The following C10orf67 variants were observed in gnomAD, a reference collection of about 807,000 sequenced individuals.
C10orf67 encodes the protein chromosome 10 open reading frame 67, also known as uncharacterized protein C10orf67, mitochondrial.
A neutral mutation model predicts 35.6 loss-of-function variants in C10orf67; 60 were observed. The observed-to-expected ratio is 1.68, with a 90% CI of 1.37 to 2.09. The LOEUF (loss-of-function observed/expected upper bound fraction) is 2.09. Among genes scored for constraint, C10orf67 ranks in the 30% most tolerant of loss-of-function variants. The pLI, the probability that C10orf67 is intolerant of heterozygous loss-of-function variation, is 0.00. For synonymous variants in C10orf67, 167 were observed against 115.8 expected (o/e 1.44, Z -2.84); for missense variants, 474 against 330.2 (o/e 1.44, Z -3.38).
intron 4 of C10orf67, 56 bp downstream of exon 4, chr10:23,320,685 C>G: frequency 7.3e-7 from 1 of 1,366,928 alleles, no homozygotes. Context: ...ACTCCTTGCA[C>G]ACAGCAGCTG....
At chr10:23,325,583 C>CA (rs1845160929) in intron 2 of C10orf67, among the ~76,000 whole-genome samples, 1 of 112,860 alleles carries the variant, frequency 8.9e-6, no homozygotes. Context: ...ACAACAACAA[C>CA]AAAAAAACTT....
intron 10 of C10orf67, among the ~76,000 whole-genome samples, chr10:23,262,721 A>T (rs542402899): frequency 4.3e-4 from 66 of 152,298 alleles, no homozygotes; most frequent in African/African-American, 1.6e-3. Context: ...TTTCACTAGA[A>T]TATTTTCTGT....
At chr10:23,331,880 C>T (rs11013397) in intron 2 of C10orf67, among the ~76,000 whole-genome samples, 19,704 of 151,710 alleles carry the variant, frequency 0.13, 2,294 homozygotes, top group East Asian at 0.63. Context: ...CACTTAGTTA[C>T]GAAAGAATAA....
At chr10:23,326,075 T>C (rs373004503) in intron 2 of C10orf67, among the ~76,000 whole-genome samples, 2 of 152,236 alleles carry the variant, frequency 1.3e-5, no homozygotes, top group African/African-American at 4.8e-5. Flanking sequence ...AAGTCTAACA[T>C]ACAAGTAATT....
At chr10:23,255,327 A>T (rs1040609906) in intron 10 of C10orf67, among the ~76,000 whole-genome samples, 1 of 152,248 alleles carries the variant, frequency 6.6e-6, no homozygotes, top group African/African-American at 2.4e-5. Context: ...TCTTTCAAAA[A>T]CAGGACAAGA....
chr10:23,288,420 G>C (rs1029015544), intron 7 of C10orf67, among the ~76,000 whole-genome samples: 2 of 152,122 alleles, frequency 1.3e-5, no homozygotes, highest in Non-Finnish European at 2.9e-5. Flanking sequence ...GTTGAACATT[G>C]AGAATACATG....
intron 2 of C10orf67, among the ~76,000 whole-genome samples, chr10:23,329,797 CAAAAA>C (rs398013008): frequency 2.5e-4 from 12 of 48,090 alleles, no homozygotes; most frequent in African/African-American, 1.0e-3. Flanking sequence ...GAACTTGTCT[CAAAAA>C]AAAAAAAAAA....
intron 13 of C10orf67, among the ~76,000 whole-genome samples, chr10:23,237,219 C>G (rs1842072555): frequency 6.6e-6 from 1 of 152,084 alleles, no homozygotes; most frequent in Non-Finnish European, 1.5e-5. Context: ...TGATCTCGTT[C>G]TTTTTTTATG....
At chr10:23,225,418 C>A (rs550391392) in intron 13 of C10orf67, among the ~76,000 whole-genome samples, 1 of 152,086 alleles carries the variant, frequency 6.6e-6, no homozygotes, top group Admixed American at 6.6e-5. Flanking sequence ...CAAAAACATG[C>A]CAAATTGTAA....
At chr10:23,327,022 G>A (rs183414805) in intron 2 of C10orf67, among the ~76,000 whole-genome samples, 3 of 152,130 alleles carry the variant, frequency 2.0e-5, no homozygotes, top group Admixed American at 1.3e-4. Context: ...TAGAGATAAA[G>A]GTTCTACATT....
At position 23,291,253 on chromosome 10, in the gene C10orf67, A is replaced by G. The variant is rs1160340299; in HGVS notation, c.729T>C (p.Ser243=). The change falls in exon 6 of 16, where the codon TCT becomes TCC. Residue 243 remains serine, a synonymous_variant. Transcript: ENST00000636213. The part of the protein sequence containing the change: ...KMESFAKETS[S]PKSNLEKENL... ...TTTCCTTTTCTAGGTTTGATTTTGG[A>G]GAGCTGGTTTCTTTGGCAAAAGATT... 1 of 715,614 alleles carries G rather than the reference A, an allele frequency of 1.4e-6. No homozygotes were observed. Among genetic ancestry groups the G allele is most frequent in the Non-Finnish European group, 2.6e-6 (1 of 384,750 alleles). The allele number at this position is 715,614 out of a possible 1,614,324, so 44.3% of individuals were successfully genotyped here. A position where few individuals can be genotyped will look rare whatever the true frequency, so the allele number is the denominator to read the frequency against.
At chr10:23,318,771 T>A in intron 4 of C10orf67, 1 of 666,572 alleles carries the variant, frequency 1.5e-6, no homozygotes. Flanking sequence ...GAGGGGTTGT[T>A]ATCTCATGAA....
chr10:23,336,919 CA>C, intron 1 of C10orf67, among the ~76,000 whole-genome samples: 1 of 152,060 alleles, frequency 6.6e-6, no homozygotes, highest in East Asian at 1.9e-4. Context: ...TTATAGAAAG[CA>C]AAAGTATAAA....
rs373874634 is a variant in C10orf67, at chr10:23,331,703, G to A, written c.327+1359C>T. 2.7e-5 allele frequency among the ~76,000 whole-genome samples: 4 copies of A among 148,546 alleles called. No individual in the cohort carries two copies. The East Asian group carries it at 8.1e-4, about 30-fold the overall frequency. On this transcript the variant is annotated intron_variant, in intron 2 of 15. Transcript: ENST00000636213. ...AAAGGGAAGGGAAGAAGGGAAGGGG[G>A]AAGGGAAAAGGGGAAGGGAAGGGGA...
intron 1 of C10orf67, among the ~76,000 whole-genome samples, chr10:23,335,387 A>G (rs1198841028): frequency 6.6e-6 from 1 of 152,132 alleles, no homozygotes; most frequent in Non-Finnish European, 1.5e-5. Flanking sequence ...TAAATTACTA[A>G]ACCTTTCTGT....
At chr10:23,328,206 C>A (rs943684567) in intron 2 of C10orf67, among the ~76,000 whole-genome samples, 1 of 152,060 alleles carries the variant, frequency 6.6e-6, no homozygotes, top group Non-Finnish European at 1.5e-5. Flanking sequence ...GCATTGGTAG[C>A]TGTCAGCCCA....
At chr10:23,269,493 A>C (rs549129489) in intron 8 of C10orf67, among the ~76,000 whole-genome samples, 6 of 152,190 alleles carry the variant, frequency 3.9e-5, no homozygotes, top group Non-Finnish European at 8.8e-5. Flanking sequence ...CAAAACCAAG[A>C]GAAGACATAT....
chr10:23,260,007 T>C (rs1380721274), intron 10 of C10orf67, among the ~76,000 whole-genome samples: 1 of 152,096 alleles, frequency 6.6e-6, no homozygotes, highest in Non-Finnish European at 1.5e-5. Flanking sequence ...TAATAAAAGA[T>C]ATCAAACTAC....
rs530021574 is a variant in C10orf67, at chr10:23,223,563, G to T, written c.1570+35C>A. 12 of 717,044 alleles carry T rather than the reference G, an allele frequency of 1.7e-5. No homozygotes were observed. In the African/African-American group the frequency reaches 1.9e-4, roughly 11 times the overall value. 44.4% of individuals were successfully genotyped at this position (717,044 alleles called of 1,614,324 possible). A position where few individuals can be genotyped will look rare whatever the true frequency, so the allele number is the denominator to read the frequency against. ...TAATCTAGACTAAGTAGCCATTCTG[G>T]TGTGAACCTCATTTCCAACAATAAT... On this transcript the variant is annotated intron_variant, in intron 15 of 15. Coordinates refer to ENST00000636213, the MANE Select transcript of C10orf67 (RefSeq NM_001371909.1).
Sources: allele counts gnomAD v4.1 joint callset (sites outside exome capture counted in the v4.1 genomes callset), GRCh38; gene constraint gnomAD v4.1.1; transcripts MANE v1.5; gene names NCBI Gene and HGNC (gene_info 2026-07-23, HGNC 2026-07-21).